Variants in DCDC2C observed in about 807,000 individuals in gnomAD.
DCDC2C encodes doublecortin domain containing 2C.
DCDC2C carries 44 observed loss-of-function variants against 45.0 expected under a neutral mutation model. The ratio of observed to expected loss-of-function variants is 0.98; its 90% CI spans 0.77 to 1.26. The LOEUF (loss-of-function observed/expected upper bound fraction) is 1.26, where lower values mean the gene tolerates loss of function less well. Among genes scored for constraint, DCDC2C ranks in the 50% most tolerant of loss-of-function variants. The probability of loss-of-function intolerance (pLI) is 0.00; values close to 1 mark genes in which losing one functional copy is unlikely to be tolerated. For missense variants in DCDC2C, 447 were observed against 468.9 expected, an observed-to-expected ratio of 0.95 and a Z score of 0.43; for synonymous variants, 187 against 178.8, an observed-to-expected ratio of 1.05 and a Z score of -0.37.
At chr2:3,752,709 C>T in intron 4 of DCDC2C, 54 bp from the exon 5 acceptor site, 1 of 1,540,246 alleles carries the variant, frequency 6.5e-7, no homozygotes, top group Non-Finnish European at 8.8e-7. Flanking sequence ...TACCCCAAGC[C>T]CTATGCTACT....
chr2:3,764,210 C>T lies in DCDC2C; in HGVS notation c.727-3544C>T, dbSNP rs1430599645. On this transcript the variant is annotated intron_variant, in intron 6 of 10. Transcript: ENST00000399143. Reference sequence around the variant, plus strand: ...CTCCACGTTTAAAAGACAGTTTAAACTGAGCAAAATTAAGAAAAGTAAGTG... The same window carrying T: ...CTCCACGTTTAAAAGACAGTTTAAATTGAGCAAAATTAAGAAAAGTAAGTG... Among the ~76,000 whole-genome samples, 3 of 152,152 alleles carry T rather than the reference C, an allele frequency of 2.0e-5. No homozygotes were observed. In the East Asian group the frequency reaches 5.8e-4, roughly 29 times the overall value.
At chr2:3,755,436 C>T (rs1403552760) in intron 6 of DCDC2C, among the ~76,000 whole-genome samples, 4 of 150,196 alleles carry the variant, frequency 2.7e-5, no homozygotes, top group Non-Finnish European at 4.4e-5. Context: ...TGGAGGCATG[C>T]ATGTGTATGT....
At chr2:3,835,313 T>G (rs563766901) in intron 10 of DCDC2C, among the ~76,000 whole-genome samples, 1 of 152,240 alleles carries the variant, frequency 6.6e-6, no homozygotes, top group African/African-American at 2.4e-5. Context: ...AAAGCAATTT[T>G]TATTTATTGC....
intron 10 of DCDC2C, among the ~76,000 whole-genome samples, chr2:3,786,234 T>C (rs1485032201): frequency 6.6e-6 from 1 of 151,774 alleles, no homozygotes. Context: ...CTCGTGTGGG[T>C]GTGTCCCGCC....
intron 2 of DCDC2C, among the ~76,000 whole-genome samples, chr2:3,723,176 TA>T (rs1489788291): frequency 6.6e-6 from 1 of 152,184 alleles, no homozygotes; most frequent in Admixed American, 6.5e-5. Context: ...GAATTCCTGT[TA>T]GGGGTCACTC....
At chr2:3,802,412 A>C (rs1281594843) in intron 10 of DCDC2C, among the ~76,000 whole-genome samples, 1 of 152,200 alleles carries the variant, frequency 6.6e-6, no homozygotes, top group South Asian at 2.1e-4. Flanking sequence ...TCAGCCCTGG[A>C]GGTAAACAAG....
At chr2:3,840,585 T>G (rs1173737393) in intron 10 of DCDC2C, among the ~76,000 whole-genome samples, 1 of 152,204 alleles carries the variant, frequency 6.6e-6, no homozygotes, top group Non-Finnish European at 1.5e-5. Context: ...GTCAAAATGG[T>G]TACTTTCCAG....
chr2:3,781,823 T>C (rs1670516418), intron 9 of DCDC2C, among the ~76,000 whole-genome samples: 1 of 152,080 alleles, frequency 6.6e-6, no homozygotes, highest in Non-Finnish European at 1.5e-5. Flanking sequence ...TGAGTTACAG[T>C]TGTGCCACTC....
intron 7 of DCDC2C, 79 bp from the exon 8 acceptor site, chr2:3,769,232 G>C: frequency 7.2e-7 from 1 of 1,395,034 alleles, no homozygotes; most frequent in Admixed American, 2.0e-5. Flanking sequence ...TTCGTAACTT[G>C]GGTTTGGGTC....
rs1220774884 is a variant in DCDC2C, at chr2:3,847,949, A to G, written c.*766A>G. Among the ~76,000 whole-genome samples, 1 of 152,152 alleles carries G rather than the reference A, an allele frequency of 6.6e-6. No individual in the cohort carries two copies. The highest frequency in any genetic ancestry group is 1.5e-5 in the Non-Finnish European group (1 of 68,018). ...TAAGTTTCCTGAGGCCTCCCAAGCC[A>G]TGCCTCCTATACAGCCTGCAGAACT... On this transcript the variant is annotated 3_prime_UTR_variant, in exon 11 of 11. Coordinates refer to ENST00000399143, the MANE Select transcript of DCDC2C (RefSeq NM_001287444.2).
chr2:3,832,836 C>T (rs547495864), intron 10 of DCDC2C, among the ~76,000 whole-genome samples: 10 of 152,290 alleles, frequency 6.6e-5, no homozygotes, highest in Admixed American at 2.6e-4. Flanking sequence ...CCCCAGAGGA[C>T]GTTGGAGATG....
intron 8 of DCDC2C, among the ~76,000 whole-genome samples, chr2:3,772,110 C>T (rs1042862563): frequency 3.3e-5 from 5 of 152,200 alleles, no homozygotes; most frequent in African/African-American, 1.2e-4. Context: ...CAAAATATAA[C>T]ATCCCGACTA....
rs76478280 is a variant in DCDC2C, at chr2:3,847,527, G to A, written c.*344G>A. The A allele has an allele frequency of 0.083, 15,027 of 180,460 alleles. 760 individuals carry two copies. The highest frequency in any genetic ancestry group is 0.12 in the Non-Finnish European group (10,086 of 87,078). The allele number at this position is 180,460 out of a possible 1,614,324, so 11.2% of individuals were successfully genotyped here. A position where few individuals can be genotyped will look rare whatever the true frequency, so the allele number is the denominator to read the frequency against. On this transcript the variant is annotated 3_prime_UTR_variant, in exon 11 of 11. Coordinates refer to ENST00000399143, the MANE Select transcript of DCDC2C (RefSeq NM_001287444.2). ...TTTTTCCTGGAATGTGTACGGGAAG[G>A]TATCTCATTTATATGTAACTTGGAG...
At chr2:3,766,310 GCACA>G (rs61471003) in intron 6 of DCDC2C, among the ~76,000 whole-genome samples, 86 of 146,136 alleles carry the variant, frequency 5.9e-4, no homozygotes, top group East Asian at 1.4e-3. Context: ...ACACACACAC[GCACA>G]CACACACACA....
chr2:3,812,475 T>A (rs564390605), intron 10 of DCDC2C, among the ~76,000 whole-genome samples: 1 of 152,294 alleles, frequency 6.6e-6, no homozygotes, highest in Non-Finnish European at 1.5e-5. Flanking sequence ...TCTTCTCTTG[T>A]CTTCTTTATT....
At chr2:3,799,019 A>G (rs935572557) in intron 10 of DCDC2C, among the ~76,000 whole-genome samples, 2 of 151,368 alleles carry the variant, frequency 1.3e-5, no homozygotes, top group Admixed American at 6.6e-5. Context: ...AATCAGATGT[A>G]GATTTGGTCT....
At position 3,819,956 on chromosome 2, in the gene DCDC2C, C is replaced by T. The variant is rs147413862; in HGVS notation, c.1066-27198C>T. Among the ~76,000 whole-genome samples, 425 of 152,010 alleles carry T rather than the reference C, an allele frequency of 2.8e-3. 2 individuals are homozygous for T. Among genetic ancestry groups the T allele is most frequent in the African/African-American group, 9.6e-3 (399 of 41,460 alleles). ...AGAATTGCAACCTGGCTAGGCCTGG[C>T]GAGGAGCAGCCTGGGGAGGAGGCAA... On this transcript the variant is annotated intron_variant, in intron 10 of 10. Coordinates refer to ENST00000399143, the MANE Select transcript of DCDC2C (RefSeq NM_001287444.2).
At chr2:3,829,072 C>T (rs906185298) in intron 10 of DCDC2C, among the ~76,000 whole-genome samples, 3 of 152,290 alleles carry the variant, frequency 2.0e-5, no homozygotes, top group Admixed American at 6.5e-5. Context: ...AGTGTTCACA[C>T]TTCCAGTGGC....
At chr2:3,712,290 C>T (rs1046517297) in intron 2 of DCDC2C, among the ~76,000 whole-genome samples, 4 of 152,178 alleles carry the variant, frequency 2.6e-5, no homozygotes, top group African/African-American at 9.6e-5. Flanking sequence ...ATCACTACTA[C>T]TTACTAAACC....
Sources: allele counts gnomAD v4.1 joint callset (sites outside exome capture counted in the v4.1 genomes callset), GRCh38; gene constraint gnomAD v4.1.1; transcripts MANE v1.5; gene names NCBI Gene and HGNC (gene_info 2026-07-23, HGNC 2026-07-21).